Variants in TAOK1 observed in about 807,000 individuals in gnomAD.
The protein encoded by TAOK1 is serine/threonine-protein kinase TAO1.
In TAOK1, 21 loss-of-function variants were observed where a neutral mutation model predicts 138.3. That is an observed-to-expected ratio of 0.15 (90% CI 0.11 to 0.22). The LOEUF (loss-of-function observed/expected upper bound fraction) is 0.22, where lower values mean the gene tolerates loss of function less well. Ranked by LOEUF, TAOK1 falls within the 10% of genes least tolerant of loss-of-function variation. The pLI, the probability that TAOK1 is intolerant of heterozygous loss-of-function variation, is 1.00. For synonymous variants in TAOK1, 361 were observed against 398.4 expected (o/e 0.91, Z 1.12); for missense variants, 651 against 1,227.7 (o/e 0.53, Z 7.02).
At chr17:29,446,166 T>G (rs1206811713) in intron 1 of TAOK1, among the ~76,000 whole-genome samples, 1 of 152,206 alleles carries the variant, frequency 6.6e-6, no homozygotes, top group African/African-American at 2.4e-5. Flanking sequence ...CTTTGTTAGT[T>G]TGGCTACAGG....
In TAOK1 at chr17:29,430,706, C is replaced by T. The variant is rs1473144747; in HGVS notation, c.-94-20749C>T. 2.0e-5 allele frequency among the ~76,000 whole-genome samples: 3 copies of T among 152,168 alleles called. No individual in the cohort carries two copies. In the East Asian group the frequency reaches 5.8e-4, roughly 29 times the overall value. Reference sequence around the variant, plus strand: ...GTTCCCTGCCTCCAGACCCTATTCTCCTGCCTCATCTTCCTCTGAGAGACA... The same window carrying T: ...GTTCCCTGCCTCCAGACCCTATTCTTCTGCCTCATCTTCCTCTGAGAGACA... On this transcript the variant is annotated intron_variant, in intron 1 of 19. Transcript: ENST00000261716.
intron 1 of TAOK1, among the ~76,000 whole-genome samples, chr17:29,408,974 A>C (rs866533597): frequency 6.6e-6 from 1 of 151,988 alleles, no homozygotes; most frequent in Non-Finnish European, 1.5e-5. Flanking sequence ...CAGCCTCCCA[A>C]GATGCTGGGA....
At chr17:29,419,825 C>A (rs1905373792) in intron 1 of TAOK1, among the ~76,000 whole-genome samples, 1 of 151,916 alleles carries the variant, frequency 6.6e-6, no homozygotes. Flanking sequence ...AATGTTATCT[C>A]CCCCCTCCAC....
At chr17:29,515,095 A>G (rs563629569) in intron 15 of TAOK1, 11 of 151,962 alleles carry the variant, frequency 7.2e-5, no homozygotes, top group Admixed American at 1.3e-4. Context: ...TTATTGAGAT[A>G]GTTTATGAGC....
intron 2 of TAOK1, among the ~76,000 whole-genome samples, chr17:29,464,622 CAG>C (rs2030611913): frequency 1.3e-5 from 2 of 151,980 alleles, no homozygotes; most frequent in South Asian, 4.2e-4. Context: ...TAATCAAAAT[CAG>C]GGGGCTCACA....
chr17:29,412,997 A>T (rs988714991), intron 1 of TAOK1, among the ~76,000 whole-genome samples: 2 of 152,146 alleles, frequency 1.3e-5, no homozygotes, highest in African/African-American at 4.8e-5. Context: ...TTCATATCTT[A>T]ATTGGGTCTT....
intron 1 of TAOK1, among the ~76,000 whole-genome samples, chr17:29,418,844 G>C (rs1299333243): frequency 6.6e-6 from 1 of 151,900 alleles, no homozygotes; most frequent in Non-Finnish European, 1.5e-5. Flanking sequence ...GATACAGGGG[G>C]CTGACTATAG....
chr17:29,414,565 T>G (rs138544267), intron 1 of TAOK1, among the ~76,000 whole-genome samples: 108 of 150,490 alleles, frequency 7.2e-4, no homozygotes, highest in African/African-American at 2.6e-3. Context: ...CTTTATTTAT[T>G]TATTTATTTG....
At chr17:29,420,648 C>T (rs1401870390) in intron 1 of TAOK1, among the ~76,000 whole-genome samples, 3 of 146,648 alleles carry the variant, frequency 2.0e-5, no homozygotes, top group Admixed American at 7.0e-5. Context: ...TGCAATGGCA[C>T]GATCTCGGGT....
intron 1 of TAOK1, among the ~76,000 whole-genome samples, chr17:29,427,556 T>C (rs1905682769): frequency 6.6e-6 from 1 of 150,978 alleles, no homozygotes; most frequent in South Asian, 2.1e-4. Context: ...AAAGAAATGC[T>C]TTAGAGATCT....
At chr17:29,415,161 G>A (rs772503192) in intron 1 of TAOK1, among the ~76,000 whole-genome samples, 1 of 151,938 alleles carries the variant, frequency 6.6e-6, no homozygotes, top group Non-Finnish European at 1.5e-5. Flanking sequence ...GTAGAGACGG[G>A]GTTTCGTCAT....
intron 19 of TAOK1, among the ~76,000 whole-genome samples, chr17:29,536,399 A>G (rs1227984734): frequency 6.6e-6 from 1 of 152,028 alleles, no homozygotes; most frequent in Non-Finnish European, 1.5e-5. Context: ...GGAGATCGAA[A>G]CCATCCTGGC....
At chr17:29,507,469 T>C (rs1173629112) in intron 13 of TAOK1, among the ~76,000 whole-genome samples, 2 of 152,148 alleles carry the variant, frequency 1.3e-5, no homozygotes, top group Non-Finnish European at 2.9e-5. Context: ...TTTTTTCCTA[T>C]GTAAAGAACC....
chr17:29,467,118 G>A (rs375680238), intron 2 of TAOK1, 27 bp from the exon 3 acceptor site: 108 of 1,533,732 alleles, frequency 7.0e-5, no homozygotes, highest in Non-Finnish European at 9.0e-5. Context: ...AATTTTTACA[G>A]TGCTTCTTTC....
In TAOK1 at chr17:29,534,044, CT is replaced by C. The variant is rs563763684; in HGVS notation, c.2362-71del. 1.1e-4 allele frequency: 160 copies of C among 1,424,452 alleles called. 1 individual carries two copies. The South Asian group carries it at 2.4e-3, about 21-fold the overall frequency. The allele number at this position is 1,424,452 out of a possible 1,614,324, so 88.2% of individuals were successfully genotyped here. On this transcript the variant is annotated intron_variant, in intron 18 of 19. Coordinates refer to ENST00000261716, the MANE Select transcript of TAOK1 (RefSeq NM_020791.4). ...AGTCTGTCTTCTAACACTCCTCCTC[CT>C]TTCCATAGGTCATGAATTGATAGCT...
intron 16 of TAOK1, among the ~76,000 whole-genome samples, chr17:29,520,281 A>G (rs775242442): frequency 2.0e-5 from 3 of 152,108 alleles, no homozygotes; most frequent in Non-Finnish European, 4.4e-5. Context: ...GTAGGTTACA[A>G]TGAAACTTTA....
At chr17:29,483,317 A>G (rs1156813288) in intron 8 of TAOK1, among the ~76,000 whole-genome samples, 5 of 152,074 alleles carry the variant, frequency 3.3e-5, no homozygotes, top group Non-Finnish European at 5.9e-5. Context: ...GGCTCAAGCT[A>G]TCCTCCTGCC....
chr17:29,454,757 A>G (rs2153024525), intron 2 of TAOK1, among the ~76,000 whole-genome samples: 1 of 151,602 alleles, frequency 6.6e-6, no homozygotes, highest in African/African-American at 2.4e-5. Context: ...GTTAGAGTGC[A>G]GTGGTGCGAT....
intron 17 of TAOK1, among the ~76,000 whole-genome samples, chr17:29,523,732 A>G (rs1406013732): frequency 6.6e-6 from 1 of 152,164 alleles, no homozygotes; most frequent in Non-Finnish European, 1.5e-5. Flanking sequence ...GTCATCGATG[A>G]TAAGCACCTC....
Sources: gnomAD v4.1 joint callset for allele counts (sites outside exome capture counted in the v4.1 genomes callset) on GRCh38, gnomAD v4.1.1 for gene constraint, MANE v1.5 for transcripts, NCBI Gene and HGNC (gene_info 2026-07-23, HGNC 2026-07-21) for gene names.